The following CACNA2D1 variants were observed in gnomAD, a reference collection of about 807,000 sequenced individuals.
CACNA2D1 encodes voltage-dependent calcium channel subunit alpha-2/delta-1.
Under a neutral mutation model 171.5 loss-of-function variants are expected in CACNA2D1, and 53 were observed. The observed-to-expected ratio is 0.31, with a 90% CI of 0.25 to 0.39. The LOEUF (loss-of-function observed/expected upper bound fraction) is 0.39, where lower values mean the gene tolerates loss of function less well. Ranked by LOEUF, CACNA2D1 falls within the 10% of genes least tolerant of loss-of-function variation. The probability of loss-of-function intolerance (pLI) is 1.00; values close to 1 mark genes in which losing one functional copy is unlikely to be tolerated. For synonymous variants in CACNA2D1, 442 were observed against 443.1 expected, an observed-to-expected ratio of 1.00 and a Z score of 0.03; for missense variants, 903 against 1,299.8, an observed-to-expected ratio of 0.69 and a Z score of 4.69.
intron 12 of CACNA2D1, among the ~76,000 whole-genome samples, chr7:82,017,594 C>T (rs142746822): frequency 1.7e-3 from 248 of 149,858 alleles, no homozygotes; most frequent in African/African-American, 6.0e-3. Flanking sequence ...ATGATTGATA[C>T]CCTGCTTCTT....
At chr7:82,233,579 T>C (rs1372748884) in intron 3 of CACNA2D1, among the ~76,000 whole-genome samples, 1 of 152,008 alleles carries the variant, frequency 6.6e-6, no homozygotes, top group Non-Finnish European at 1.5e-5. Flanking sequence ...TCCCATGAGA[T>C]CAAGTGAAGT....
chr7:82,401,304 C>G lies in CACNA2D1; in HGVS notation c.95+42061G>C, dbSNP rs1362599316. Among the ~76,000 whole-genome samples, 6 of 151,600 alleles carry G rather than the reference C, an allele frequency of 4.0e-5. No individual in the cohort carries two copies. In the South Asian group the frequency reaches 6.3e-4, roughly 16 times the overall value. ...CACAATAGCAAAGACTTGGAACCAA[C>G]CCAAATGTCCAACAATGATAGACTG... is the stretch of plus-strand genomic sequence containing the variant. On this transcript the variant is annotated intron_variant, in intron 1 of 38. Coordinates refer to ENST00000356860, the MANE Select transcript of CACNA2D1 (RefSeq NM_000722.4).
intron 5 of CACNA2D1, among the ~76,000 whole-genome samples, chr7:82,130,029 G>A (rs1790766457): frequency 1.3e-5 from 2 of 152,154 alleles, no homozygotes; most frequent in Non-Finnish European, 2.9e-5. Context: ...AAAAATTAAA[G>A]TATGGGGAAG....
chr7:82,087,428 G>T (rs1165955650), intron 6 of CACNA2D1, among the ~76,000 whole-genome samples: 1 of 152,046 alleles, frequency 6.6e-6, no homozygotes, highest in Non-Finnish European at 1.5e-5. Flanking sequence ...GAGAGAATAT[G>T]TGTCTCCAGT....
At chr7:81,998,904 A>C (rs1798312986) in intron 18 of CACNA2D1, among the ~76,000 whole-genome samples, 1 of 152,150 alleles carries the variant, frequency 6.6e-6, no homozygotes, top group Non-Finnish European at 1.5e-5. Flanking sequence ...TAACAAAAGG[A>C]TACTCTAAAG....
At chr7:82,207,211 A>G (rs943075922) in intron 3 of CACNA2D1, among the ~76,000 whole-genome samples, 2 of 152,196 alleles carry the variant, frequency 1.3e-5, no homozygotes, top group African/African-American at 2.4e-5. Flanking sequence ...GTATTATATC[A>G]GCCCCTGGCT....
At chr7:82,204,762 T>A (rs971515460) in intron 3 of CACNA2D1, among the ~76,000 whole-genome samples, 1 of 152,080 alleles carries the variant, frequency 6.6e-6, no homozygotes, top group Admixed American at 6.5e-5. Flanking sequence ...AGAGCCTATG[T>A]ATAAGGCCTC....
chr7:82,119,773 T>C (rs746246291), intron 5 of CACNA2D1, among the ~76,000 whole-genome samples: 7 of 152,346 alleles, frequency 4.6e-5, no homozygotes, highest in South Asian at 4.1e-4. Context: ...TCTGTATTAT[T>C]TTTGTGTGCC....
intron 3 of CACNA2D1, among the ~76,000 whole-genome samples, chr7:82,265,985 A>C (rs980407495): frequency 6.6e-6 from 1 of 152,184 alleles, no homozygotes; most frequent in Non-Finnish European, 1.5e-5. Context: ...AGATGGAAAC[A>C]CATTCTAGCT....
At chr7:82,074,655 A>C (rs139949351) in intron 7 of CACNA2D1, among the ~76,000 whole-genome samples, 67 of 152,274 alleles carry the variant, frequency 4.4e-4, no homozygotes, top group Non-Finnish European at 7.9e-4. Flanking sequence ...TGGTATTAGA[A>C]TCCTCAGGAT....
chr7:82,087,845 A>G (rs1810656877), intron 6 of CACNA2D1, among the ~76,000 whole-genome samples: 1 of 152,176 alleles, frequency 6.6e-6, no homozygotes, highest in South Asian at 2.1e-4. Flanking sequence ...CTGAAATAAA[A>G]GGGTAATCTG....
At chr7:82,163,741 T>C (rs1795175779) in intron 4 of CACNA2D1, among the ~76,000 whole-genome samples, 2 of 152,004 alleles carry the variant, frequency 1.3e-5, no homozygotes, top group South Asian at 2.1e-4. Flanking sequence ...GATGTTGCAA[T>C]GGCAAACATA....
At chr7:82,388,891 G>A (rs969065904) in intron 1 of CACNA2D1, among the ~76,000 whole-genome samples, 7 of 151,876 alleles carry the variant, frequency 4.6e-5, no homozygotes, top group East Asian at 1.9e-4. Context: ...CGAGGCTGGC[G>A]GATGACTGGA....
intron 10 of CACNA2D1, among the ~76,000 whole-genome samples, chr7:82,057,308 A>G (rs1223174259): frequency 6.6e-6 from 1 of 152,142 alleles, no homozygotes; most frequent in Non-Finnish European, 1.5e-5. Context: ...ATGTATCAAT[A>G]TGAAAACCAA....
At chr7:82,045,620 A>C (rs1027591832) in intron 10 of CACNA2D1, among the ~76,000 whole-genome samples, 1 of 152,164 alleles carries the variant, frequency 6.6e-6, no homozygotes, top group Non-Finnish European at 1.5e-5. Context: ...CAACAAATTA[A>C]GATTTTGAAT....
At chr7:82,012,104 C>T (rs767653542) in intron 15 of CACNA2D1, 50 bp downstream of exon 15, 3 of 1,057,444 alleles carry the variant, frequency 2.8e-6, no homozygotes, top group Non-Finnish European at 3.0e-6. Flanking sequence ...TAGAAATCAT[C>T]TGTGTGCTTT....
At chr7:82,281,327 A>C (rs1810072052) in intron 3 of CACNA2D1, among the ~76,000 whole-genome samples, 1 of 152,230 alleles carries the variant, frequency 6.6e-6, no homozygotes, top group East Asian at 1.9e-4. Flanking sequence ...CATTGTGTCG[A>C]GAGACGCAGT....
At chr7:82,383,894 T>A (rs1823999112) in intron 1 of CACNA2D1, among the ~76,000 whole-genome samples, 1 of 152,186 alleles carries the variant, frequency 6.6e-6, no homozygotes, top group East Asian at 1.9e-4. Flanking sequence ...CTCTTCACAC[T>A]GACACATGTA....
chr7:82,119,876 T>C (rs1789509634), intron 5 of CACNA2D1, among the ~76,000 whole-genome samples: 1 of 152,164 alleles, frequency 6.6e-6, no homozygotes, highest in African/African-American at 2.4e-5. Flanking sequence ...ATCTCACTAG[T>C]AAAGGAGTTA....
Sources: gnomAD v4.1 joint callset for allele counts (sites outside exome capture counted in the v4.1 genomes callset) on GRCh38, gnomAD v4.1.1 for gene constraint, MANE v1.5 for transcripts, NCBI Gene and HGNC (gene_info 2026-07-23, HGNC 2026-07-21) for gene names.